Variants in PLXNC1 observed in about 807,000 individuals in gnomAD.
The protein encoded by PLXNC1 is plexin C1.
A neutral mutation model predicts 178.2 loss-of-function variants in PLXNC1; 75 were observed. The ratio of observed to expected loss-of-function variants is 0.42; its 90% confidence interval spans 0.35 to 0.51. The LOEUF is 0.51. Among genes scored for constraint, PLXNC1 ranks in the 20% least tolerant of loss-of-function variants. The pLI is 0.02. For missense variants in PLXNC1, 1,503 were observed against 1,984.4 expected, an observed-to-expected ratio of 0.76 and a Z score of 4.61; for synonymous variants, 790 against 779.9, an observed-to-expected ratio of 1.01 and a Z score of -0.22.
chr12:94,224,379 C>G, intron 7 of PLXNC1, 64 bp downstream of exon 7: 1 of 921,632 alleles, frequency 1.1e-6, no homozygotes, highest in African/African-American at 1.6e-5. Flanking sequence ...TTGTTTGACT[C>G]CTCGATTTCC....
At chr12:94,282,196 A>G in intron 22 of PLXNC1, 102 bp from the exon 23 acceptor site, 1 of 772,612 alleles carries the variant, frequency 1.3e-6, no homozygotes, top group Admixed American at 2.1e-5. Context: ...CTTCAAACAA[A>G]GATTTACCAC....
At chr12:94,281,055 G>A (rs903555268) in intron 22 of PLXNC1, among the ~76,000 whole-genome samples, 10 of 152,224 alleles carry the variant, frequency 6.6e-5, no homozygotes, top group African/African-American at 2.4e-4. Flanking sequence ...AAGGCTGGTG[G>A]ATCACCTGAA....
chr12:94,181,578 G>A lies in PLXNC1; in HGVS notation c.1336G>A (p.Glu446Lys). The A allele has an allele frequency of 6.2e-7, 1 of 1,605,174 alleles. No homozygotes were observed. Reference protein sequence around the residue: ...NIYIYLTAGKEVRRIRVANCN... With the variant: ...NIYIYLTAGKKVRRIRVANCN... ...CTACATTTATCTAACAGCTGGGAAAGAGGTAGGTAGAAATACTAGTTATTG... is the reference window on the plus strand; with the variant it reads ...CTACATTTATCTAACAGCTGGGAAAAAGGTAGGTAGAAATACTAGTTATTG... The change falls in exon 3 of 31, where the codon GAG (glutamate) becomes AAG (lysine). Residue 446 changes from glutamate to lysine, a missense_variant and splice_region_variant. Glu to Lys is a moderately conservative substitution (Grantham distance 56). Transcript: ENST00000258526.
intron 1 of PLXNC1, 120 bp downstream of exon 1, chr12:94,150,153 C>G (rs1158015270): frequency 2.4e-6 from 2 of 830,604 alleles, no homozygotes; most frequent in Non-Finnish European, 3.6e-6. Flanking sequence ...TGACATTTAC[C>G]AGGTCTCAGG....
intron 3 of PLXNC1, chr12:94,186,146 T>C (rs1269875118): frequency 4.7e-6 from 2 of 426,116 alleles, no homozygotes; most frequent in Non-Finnish European, 8.7e-6. Flanking sequence ...TTAGCGAGAG[T>C]CTCTGCGGCA....
At chr12:94,150,067 C>T in intron 1 of PLXNC1, 34 bp downstream of exon 1, 1 of 1,500,642 alleles carries the variant, frequency 6.7e-7, no homozygotes, top group Non-Finnish European at 8.9e-7. Context: ...GCGGAGAGCG[C>T]TGCTGCCGGG....
chr12:94,158,348 C>T (rs553711362), intron 1 of PLXNC1: 16 of 152,352 alleles, frequency 1.1e-4, no homozygotes, highest in African/African-American at 2.6e-4. Context: ...GCGGAATGTC[C>T]AGAAACGAGT....
chr12:94,276,639 C>T (rs73228197), intron 21 of PLXNC1, among the ~76,000 whole-genome samples: 30,746 of 152,130 alleles, frequency 0.2, 3,219 homozygotes, highest in Admixed American at 0.24. Flanking sequence ...TTCCCTCACT[C>T]TACAACAGGG....
rs1224680945 is a variant in PLXNC1 at position 94,297,360 on chromosome 12, A to T, written c.4011A>T (p.Arg1337Ser). 4 of 1,613,912 alleles carry T rather than the reference A, an allele frequency of 2.5e-6. No individual in the cohort carries two copies. In the African/African-American group the frequency reaches 4.0e-5, roughly 16 times the overall value. Residue 1337 changes from arginine (R) to serine (S), a missense_variant, in exon 26 of 31, where the codon AGA becomes AGT. By Grantham distance (110) the Arg-to-Ser change is moderately radical. This residue lies in a region of PLXNC1 where 639 missense variants were observed against 979.7 expected (regional missense o/e 0.65). Transcript: ENST00000258526. ...CATTCCAAGATGTGCAAGGAAAGAG[A>T]CATCGAGGGAAGCACAAGTTCAAAG... ...SEAFQDVQGK[R>S]HRGKHKFKVK...
At chr12:94,264,477 C>T (rs1965123412) in intron 20 of PLXNC1, among the ~76,000 whole-genome samples, 2 of 152,232 alleles carry the variant, frequency 1.3e-5, no homozygotes, top group Admixed American at 6.5e-5. Flanking sequence ...CCAGGTGGGA[C>T]TGTGCAGTGT....
chr12:94,233,837 T>G (rs566278170), intron 9 of PLXNC1, among the ~76,000 whole-genome samples: 1 of 152,332 alleles, frequency 6.6e-6, no homozygotes, highest in East Asian at 1.9e-4. Flanking sequence ...GTTACCACTC[T>G]TACCAATTTA....
chr12:94,240,779 C>G lies in PLXNC1; in HGVS notation c.2300+115C>G, dbSNP rs1006709737. On this transcript the variant is annotated intron_variant, in intron 11 of 30. Transcript: ENST00000258526. The stretch of plus-strand genomic sequence containing the variant: ...AGTGGTCATTCCAAATTCCTCTCAC[C>G]GAGTTCTCCTTAGGATTTACTCCTA... The G allele has an allele frequency of 9.8e-6, 8 of 815,172 alleles. No homozygotes were observed. In the South Asian group the frequency reaches 1.4e-4, roughly 14 times the overall value. The allele number at this position is 815,172 out of a possible 1,614,324, so 50.5% of individuals were successfully genotyped here.
chr12:94,256,532 A>G (rs1047803913), intron 17 of PLXNC1, among the ~76,000 whole-genome samples: 8 of 152,076 alleles, frequency 5.3e-5, no homozygotes, highest in African/African-American at 1.9e-4. Flanking sequence ...TTTCTATGGC[A>G]GAACACCGCC....
At chr12:94,241,223 A>G (rs1032194904) in intron 11 of PLXNC1, among the ~76,000 whole-genome samples, 1 of 152,102 alleles carries the variant, frequency 6.6e-6, no homozygotes, top group Admixed American at 6.5e-5. Flanking sequence ...TTGCATTTTC[A>G]TGGGTACATA....
rs560865479 is a variant in PLXNC1, at chr12:94,245,776, A to G, written c.2388+1751A>G. On this transcript the variant is annotated intron_variant, in intron 12 of 30. Transcript: ENST00000258526. ...ACATCACTCAATCCTGCTTAGTGGGAACCTAGAGGGTGGGTCTGGAATGAC... is the reference window on the plus strand; with the variant it reads ...ACATCACTCAATCCTGCTTAGTGGGGACCTAGAGGGTGGGTCTGGAATGAC... Among the ~76,000 whole-genome samples the G allele has an allele frequency of 1.1e-3, 167 of 152,284 alleles. 1 individual carries two copies. Among genetic ancestry groups the G allele is most frequent in the African/African-American group, 3.9e-3 (160 of 41,554 alleles).
intron 10 of PLXNC1, among the ~76,000 whole-genome samples, chr12:94,239,601 A>G (rs1446635851): frequency 6.6e-6 from 1 of 152,222 alleles, no homozygotes; most frequent in Non-Finnish European, 1.5e-5. Context: ...TTCAGACACA[A>G]CCCAGGCTTA....
chr12:94,184,739 T>C lies in PLXNC1; in HGVS notation c.1339-1634T>C, dbSNP rs780881144. On this transcript the variant is annotated intron_variant, in intron 3 of 30. Coordinates refer to ENST00000258526, the MANE Select transcript of PLXNC1 (RefSeq NM_005761.3). The stretch of plus-strand genomic sequence containing the variant: ...GTGTCCTCCCTCTTATACAGAGTTA[T>C]ATTTGTGTGTTTAAATAGACTGAGT... Among the ~76,000 whole-genome samples the C allele has an allele frequency of 6.8e-5, 10 of 147,792 alleles. No individual in the cohort carries two copies. The East Asian group carries it at 1.9e-3, about 29-fold the overall frequency.
At chr12:94,231,628 G>A (rs118076962) in intron 9 of PLXNC1, among the ~76,000 whole-genome samples, 1,743 of 152,244 alleles carry the variant, frequency 0.011, 24 homozygotes, top group South Asian at 0.016. Flanking sequence ...ACCCTGAAAC[G>A]TATAGCGTCA....
chr12:94,231,275 G>A (rs1454496662), intron 9 of PLXNC1, among the ~76,000 whole-genome samples: 5 of 152,108 alleles, frequency 3.3e-5, no homozygotes, highest in African/African-American at 9.7e-5. Context: ...TGAAGCAGAG[G>A]AACCAGCATA....
Sources: allele counts gnomAD v4.1 joint callset (sites outside exome capture counted in the v4.1 genomes callset), GRCh38; gene constraint gnomAD v4.1.1; regional missense constraint gnomAD v4.1.1; transcripts MANE v1.5; gene names NCBI Gene and HGNC (gene_info 2026-07-23, HGNC 2026-07-21).